KLC1: variants seen among roughly 807,000 people sequenced by gnomAD.
The protein encoded by KLC1 is kinesin 2 60/70kDa.
Under a neutral mutation model 84.2 loss-of-function variants are expected in KLC1, and 30 were observed. The observed-to-expected ratio is 0.36, with a 90% CI of 0.27 to 0.48. The LOEUF is 0.48. Ranked by LOEUF, KLC1 falls within the 20% of genes least tolerant of loss-of-function variation. KLC1 has a pLI of 0.99. For synonymous variants in KLC1, 289 were observed against 293.3 expected, an observed-to-expected ratio of 0.99 and a Z score of 0.15; for missense variants, 499 against 805.4, an observed-to-expected ratio of 0.62 and a Z score of 4.60.
At chr14:103,640,008 GCC>G (rs2077363262) in intron 1 of KLC1, among the ~76,000 whole-genome samples, 1 of 152,156 alleles carries the variant, frequency 6.6e-6, no homozygotes, top group African/African-American at 2.4e-5. Context: ...ACCCGCCTTG[GCC>G]TCCCAAAGTG....
chr14:103,644,068 A>C (rs1224787815), intron 1 of KLC1, among the ~76,000 whole-genome samples: 1 of 151,730 alleles, frequency 6.6e-6, no homozygotes, highest in Non-Finnish European at 1.5e-5. Context: ...ACAAAAAATT[A>C]GCTGGGTGTG....
At chr14:103,658,428 G>GTT (rs536826342) in intron 3 of KLC1, among the ~76,000 whole-genome samples, 1,091 of 91,214 alleles carry the variant, frequency 0.012, 85 homozygotes, top group African/African-American at 0.051. Context: ...GCCCAGCTAA[G>GTT]TTTTTTTTTT....
chr14:103,699,253 C>T, intron 15 of KLC1: 1 of 1,540,066 alleles, frequency 6.5e-7, no homozygotes. Context: ...CTGCTACCCG[C>T]AGGAGCCGGA....
chr14:103,679,523 G>T lies in KLC1; in HGVS notation c.1628G>T (p.Ser543Ile), dbSNP rs1004464798. ...ESGPDGGEEV[S>I]MSVEWNGDGT... ...GGCCCTGACGGAGGGGAGGAAGTGA[G>T]TATGAGCGTAGAGTGGAACGGGGTA... is the stretch of plus-strand genomic sequence containing the variant. The change falls in exon 13 of 17, where the codon AGT (serine) becomes ATT (isoleucine). Residue 543 changes from serine to isoleucine, a missense_variant. Ser to Ile is a moderately radical substitution (Grantham distance 142). Coordinates refer to ENST00000334553, the MANE Select transcript of KLC1 (RefSeq NM_001394837.1). The T allele has an allele frequency of 6.2e-7, 1 of 1,613,844 alleles. No individual in the cohort carries two copies. The highest frequency in any genetic ancestry group is 8.5e-7 in the Non-Finnish European group (1 of 1,179,852).
intron 1 of KLC1, among the ~76,000 whole-genome samples, chr14:103,652,065 G>T (rs978714286): frequency 2.6e-5 from 4 of 152,202 alleles, no homozygotes; most frequent in Non-Finnish European, 4.4e-5. Flanking sequence ...TAAAACACTT[G>T]CATCTGCTAG....
chr14:103,695,517 C>A, intron 15 of KLC1: 2 of 985,334 alleles, frequency 2.0e-6, no homozygotes, highest in Non-Finnish European at 2.4e-6. Flanking sequence ...GGCTCCGGAG[C>A]TTCCCTTGTG....
rs2082589066 is a variant in KLC1, at chr14:103,697,048, C to T, written c.1849-3607C>T. On this transcript the variant is annotated intron_variant, in intron 15 of 16. Transcript: ENST00000334553. The stretch of plus-strand genomic sequence containing the variant: ...TTTTCTCTGTTAAATGTACCTCTGT[C>T]TTTAAGCTGTCTCATTTTCTAATCG... The T allele has an allele frequency of 3.0e-6, 3 of 985,346 alleles. No individual in the cohort carries two copies. In the South Asian group the frequency reaches 1.4e-4, roughly 46 times the overall value. The allele number at this position is 985,346 out of a possible 1,614,324, so 61.0% of individuals were successfully genotyped here. A position where few individuals can be genotyped will look rare whatever the true frequency, so the allele number is the denominator to read the frequency against.
intron 11 of KLC1, among the ~76,000 whole-genome samples, chr14:103,676,431 A>AT (rs2080881278): frequency 6.6e-6 from 1 of 151,950 alleles, no homozygotes; most frequent in South Asian, 2.1e-4. Context: ...ATGCCTGGCT[A>AT]TTTTTTGTAT....
intron 1 of KLC1, among the ~76,000 whole-genome samples, chr14:103,639,701 A>G (rs1162533152): frequency 6.6e-6 from 1 of 152,168 alleles, no homozygotes; most frequent in East Asian, 1.9e-4. Context: ...TGGCCTCCCA[A>G]AGTGCTGGGA....
chr14:103,676,343 A>G (rs986396542), intron 11 of KLC1, among the ~76,000 whole-genome samples: 7 of 151,758 alleles, frequency 4.6e-5, no homozygotes, highest in African/African-American at 1.7e-4. Flanking sequence ...ATCATGGCTC[A>G]CTGCAACCTC....
chr14:103,701,211 C>T lies in KLC1; in HGVS notation c.*12C>T, dbSNP rs1247447844. The stretch of plus-strand genomic sequence containing the variant: ...TATCTTCTCTTGCAGTGACCCCGAC[C>T]TGGCCCCGCTCCAGGATGGGACTGC... On this transcript the variant is annotated 3_prime_UTR_variant, in exon 17 of 17. Coordinates refer to ENST00000334553, the MANE Select transcript of KLC1 (RefSeq NM_001394837.1). The T allele has an allele frequency of 7.1e-6, 11 of 1,550,638 alleles. No homozygotes were observed. The East Asian group carries it at 2.2e-4, about 31-fold the overall frequency.
At position 103,660,396 on chromosome 14, in the gene KLC1, G is replaced by A. The variant is rs192098397; in HGVS notation, c.493-1720G>A. On this transcript the variant is annotated intron_variant, in intron 3 of 16. Coordinates refer to ENST00000334553, the MANE Select transcript of KLC1 (RefSeq NM_001394837.1). Reference sequence around the variant, plus strand: ...CTCAGGAGGCTGAGGCAGGAGAATCGCTTAAACCCAGGAGATGGAGGTTGC... The same window carrying A: ...CTCAGGAGGCTGAGGCAGGAGAATCACTTAAACCCAGGAGATGGAGGTTGC... Among the ~76,000 whole-genome samples, 42 of 151,046 alleles carry A rather than the reference G, an allele frequency of 2.8e-4. No homozygotes were observed. In the East Asian group the frequency reaches 6.2e-3, roughly 22 times the overall value.
At position 103,699,143 on chromosome 14, in the gene KLC1, C is replaced by T. The variant is rs28903080; in HGVS notation, c.1849-1512C>T. 117 of 1,572,020 alleles carry T rather than the reference C, an allele frequency of 7.4e-5. No homozygotes were observed. Among genetic ancestry groups the T allele is most frequent in the East Asian group, 3.3e-4 (14 of 42,666 alleles). Reference sequence around the variant, plus strand: ...CATGGCTGCACTCACCCCAGCGGCCCGTGTGCTGCGCCCTGCTCCTCCATG... The same window carrying T: ...CATGGCTGCACTCACCCCAGCGGCCTGTGTGCTGCGCCCTGCTCCTCCATG... On this transcript the variant is annotated intron_variant, in intron 15 of 16. Coordinates refer to ENST00000334553, the MANE Select transcript of KLC1 (RefSeq NM_001394837.1).
Position 103,669,594 on chromosome 14 carries a change from C to T in KLC1, c.881C>T (p.Pro294Leu). ...IREKTLGKDH[P>L]AVAATLNNLA... ...GAGAAAACTTTGGGCAAAGATCATC[C>T]TGCGGTTTGTATATCCAGTTCTTTC... The change falls in exon 6 of 17, where the codon CCT becomes CTT. Residue 294 changes from proline to leucine, a missense_variant. This residue lies in a region of KLC1 where 153 missense variants were observed against 332.4 expected (regional missense o/e 0.46). Coordinates refer to ENST00000334553, the MANE Select transcript of KLC1 (RefSeq NM_001394837.1). The T allele has an allele frequency of 6.3e-7, 1 of 1,594,988 alleles. No individual in the cohort carries two copies. The highest frequency in any genetic ancestry group is 8.6e-7 in the Non-Finnish European group (1 of 1,162,806).
chr14:103,692,485 G>A, intron 15 of KLC1, 60 bp downstream of exon 15: 2 of 1,436,128 alleles, frequency 1.4e-6, no homozygotes, highest in South Asian at 1.2e-5. Flanking sequence ...CAGGTCTGCT[G>A]CAGACCCGCA....
chr14:103,676,171 C>T (rs1043614383), intron 11 of KLC1, among the ~76,000 whole-genome samples: 4 of 152,170 alleles, frequency 2.6e-5, no homozygotes, highest in East Asian at 1.9e-4. Context: ...GTGGCCGGCC[C>T]GAGAGCCTTG....
intron 7 of KLC1, among the ~76,000 whole-genome samples, chr14:103,672,646 G>A (rs971081774): frequency 1.3e-4 from 20 of 152,164 alleles, no homozygotes; most frequent in Non-Finnish European, 2.1e-4. Flanking sequence ...GGGCTCTTCA[G>A]AAGCTGGCAG....
At chr14:103,633,971 C>T (rs757106371) in intron 1 of KLC1, among the ~76,000 whole-genome samples, 35 of 152,112 alleles carry the variant, frequency 2.3e-4, no homozygotes, top group Non-Finnish European at 7.4e-5. Context: ...CGGGTTCAAG[C>T]CATTCTCCTG....
At chr14:103,697,363 G>A (rs2082621988) in intron 15 of KLC1, among the ~76,000 whole-genome samples, 1 of 151,838 alleles carries the variant, frequency 6.6e-6, no homozygotes, top group Admixed American at 6.6e-5. Context: ...CCCCCAACCA[G>A]TGCCAGCCCC....
Sources: allele counts gnomAD v4.1 joint callset (sites outside exome capture counted in the v4.1 genomes callset), GRCh38; gene constraint gnomAD v4.1.1; regional missense constraint gnomAD v4.1.1; transcripts MANE v1.5; gene names NCBI Gene and HGNC (gene_info 2026-07-23, HGNC 2026-07-21).